Variants in SPAG17 observed in about 807,000 individuals in gnomAD.
SPAG17 encodes the protein sperm associated antigen 17, also known as sperm-associated antigen 17.
In SPAG17, 169 loss-of-function variants were observed where a neutral mutation model predicts 273.6. That is an observed-to-expected ratio of 0.62 (90% CI 0.55 to 0.70). The LOEUF (loss-of-function observed/expected upper bound fraction) is 0.70. SPAG17 is among the 30% of genes least tolerant of loss of function. The pLI is 0.00. For synonymous variants in SPAG17, 825 were observed against 873.2 expected (o/e 0.94, Z 0.97); for missense variants, 2,557 against 2,627.8 (o/e 0.97, Z 0.59).
At chr1:117,997,764 G>T (rs1304049639) in intron 32 of SPAG17, among the ~76,000 whole-genome samples, 2 of 152,040 alleles carry the variant, frequency 1.3e-5, no homozygotes, top group Non-Finnish European at 2.9e-5. Context: ...GCATGACTGT[G>T]TTCCAATAAA....
intron 18 of SPAG17, among the ~76,000 whole-genome samples, chr1:118,060,628 CTTTTA>C (rs1232953965): frequency 1.3e-5 from 2 of 152,022 alleles, no homozygotes; most frequent in Admixed American, 6.6e-5. Context: ...AAGTTTTATG[CTTTTA>C]TAAGTTTTCA....
intron 3 of SPAG17, among the ~76,000 whole-genome samples, chr1:118,132,782 C>A (rs1239937896): frequency 1.3e-5 from 2 of 150,466 alleles, no homozygotes; most frequent in African/African-American, 2.4e-5. Flanking sequence ...CTTTTCTTTT[C>A]TTTTCTTTTA....
intron 1 of SPAG17, among the ~76,000 whole-genome samples, chr1:118,161,995 C>A (rs898590077): frequency 6.6e-6 from 1 of 152,120 alleles, no homozygotes; most frequent in African/African-American, 2.4e-5. Context: ...GAAACTGCTT[C>A]CCACTCATTC....
chr1:118,147,713 T>C (rs993444656), intron 3 of SPAG17, among the ~76,000 whole-genome samples: 2 of 152,222 alleles, frequency 1.3e-5, no homozygotes, highest in Admixed American at 6.5e-5. Flanking sequence ...CACAATCTCA[T>C]AATGAGGCTG....
At chr1:118,160,471 T>G (rs1228610818) in intron 1 of SPAG17, among the ~76,000 whole-genome samples, 1 of 152,248 alleles carries the variant, frequency 6.6e-6, no homozygotes, top group Non-Finnish European at 1.5e-5. Flanking sequence ...CCAATACTCA[T>G]TCTCATGAGC....
chr1:118,005,604 T>C lies in SPAG17; in HGVS notation c.4588-2A>G. On this transcript the variant is annotated splice_acceptor_variant, in intron 31 of 48. Coordinates refer to ENST00000336338, the MANE Select transcript of SPAG17 (RefSeq NM_206996.4). LOFTEE classifies it high-confidence loss of function. The stretch of plus-strand genomic sequence containing the variant: ...AGAGCCTGTGTTTGGAGGTAACACC[T>C]GAAAGAGTAACAGAAAGACAGAAAT... 6.8e-7 allele frequency: 1 copy of C among 1,460,162 alleles called. No individual in the cohort carries two copies. Among genetic ancestry groups the C allele is most frequent in the Non-Finnish European group, 9.1e-7 (1 of 1,102,344 alleles). The allele number at this position is 1,460,162 out of a possible 1,614,324, so 90.5% of individuals were successfully genotyped here. A position where few individuals can be genotyped will look rare whatever the true frequency, so the allele number is the denominator to read the frequency against.
chr1:118,011,701 C>T (rs1220736692), intron 30 of SPAG17, among the ~76,000 whole-genome samples: 2 of 151,908 alleles, frequency 1.3e-5, no homozygotes, highest in African/African-American at 2.4e-5. Flanking sequence ...TGTACATGTA[C>T]CCCTTAACTT....
intron 42 of SPAG17, among the ~76,000 whole-genome samples, 199 bp downstream of exon 42, chr1:117,983,612 G>A (rs1045134142): frequency 3.3e-5 from 5 of 152,028 alleles, no homozygotes; most frequent in African/African-American, 1.2e-4. Context: ...AATGCATTTA[G>A]GCCAATTTTA....
chr1:118,135,553 T>C (rs1558037005), intron 3 of SPAG17, among the ~76,000 whole-genome samples: 1 of 152,188 alleles, frequency 6.6e-6, no homozygotes, highest in Non-Finnish European at 1.5e-5. Context: ...TAAGTGTTTC[T>C]GGAGAATATC....
Position 117,953,908 on chromosome 1 carries a change from T to G in SPAG17, c.*142A>C. ...ACGTCTTTATTAAACAGATTGAAGCTATTTCATTTGGCAAATTTCTGGTCA... is the reference window on the plus strand; with the variant it reads ...ACGTCTTTATTAAACAGATTGAAGCGATTTCATTTGGCAAATTTCTGGTCA... On this transcript the variant is annotated 3_prime_UTR_variant, in exon 49 of 49. Transcript: ENST00000336338. 1 of 944,468 alleles carries G rather than the reference T, an allele frequency of 1.1e-6. No homozygotes were observed. Among genetic ancestry groups the G allele is most frequent in the Admixed American group, 2.4e-5 (1 of 42,188 alleles). The allele number at this position is 944,468 out of a possible 1,614,324, so 58.5% of individuals were successfully genotyped here.
intron 8 of SPAG17, among the ~76,000 whole-genome samples, chr1:118,092,678 G>C (rs950704210): frequency 6.6e-6 from 1 of 152,116 alleles, no homozygotes; most frequent in African/African-American, 2.4e-5. Flanking sequence ...CTCTACTCCT[G>C]TTTAGATCAG....
At chr1:118,124,047 T>C (rs1045183450) in intron 3 of SPAG17, among the ~76,000 whole-genome samples, 2 of 152,364 alleles carry the variant, frequency 1.3e-5, no homozygotes, top group African/African-American at 2.4e-5. Context: ...CAAAGCTTCC[T>C]TTTTATTAAG....
At chr1:118,001,326 T>C (rs1036573841) in intron 32 of SPAG17, among the ~76,000 whole-genome samples, 6 of 152,240 alleles carry the variant, frequency 3.9e-5, no homozygotes, top group Non-Finnish European at 5.9e-5. Flanking sequence ...AGGATGATGT[T>C]GGCCTCATAA....
chr1:117,959,547 C>G, intron 48 of SPAG17: 1 of 1,262,228 alleles, frequency 7.9e-7, no homozygotes, highest in Non-Finnish European at 1.1e-6. Flanking sequence ...TACCAAATAA[C>G]AGAAGATCGC....
At chr1:117,961,917 A>G (rs574535529) in intron 48 of SPAG17, 6 of 152,336 alleles carry the variant, frequency 3.9e-5, no homozygotes, top group African/African-American at 1.4e-4. Flanking sequence ...TTGAAAAAAA[A>G]TTTAATTTTT....
chr1:118,053,790 A>G (rs1370889620), intron 20 of SPAG17, among the ~76,000 whole-genome samples: 2 of 152,004 alleles, frequency 1.3e-5, no homozygotes, highest in Non-Finnish European at 2.9e-5. Flanking sequence ...AAAATAAGCT[A>G]TAACATATAC....
Position 118,184,977 on chromosome 1 carries a change from A to T in SPAG17, c.87+94T>A, listed in dbSNP as rs115500065. The T allele has an allele frequency of 2.5e-3, 2,613 of 1,035,726 alleles. 58 individuals carry two copies. The African/African-American group carries it at 0.037, about 15-fold the overall frequency. The allele number at this position is 1,035,726 out of a possible 1,614,324, so 64.2% of individuals were successfully genotyped here. A position where few individuals can be genotyped will look rare whatever the true frequency, so the allele number is the denominator to read the frequency against. On this transcript the variant is annotated intron_variant, in intron 1 of 48. Coordinates refer to ENST00000336338, the MANE Select transcript of SPAG17 (RefSeq NM_206996.4). ...CCATCAGGCCACGGAGAGATACGGA[A>T]GAGAGGGCGAGCCTTAAGGCGTCGC...
chr1:118,023,481 GT>G lies in SPAG17; in HGVS notation c.3910-19del. The G allele has an allele frequency of 6.3e-7, 1 of 1,597,968 alleles. No individual in the cohort carries two copies. The highest frequency in any genetic ancestry group is 8.5e-7 in the Non-Finnish European group (1 of 1,172,092). Reference sequence around the variant, plus strand: ...AAGAGAATCTGAAGAATGAACAAAAGTTTTCAGCATTCTCAGAAGCAAGAGA... The same window carrying G: ...AAGAGAATCTGAAGAATGAACAAAAGTTTCAGCATTCTCAGAAGCAAGAGA... On this transcript the variant is annotated intron_variant, in intron 27 of 48. Coordinates refer to ENST00000336338, the MANE Select transcript of SPAG17 (RefSeq NM_206996.4).
chr1:118,174,447 T>TTC, intron 1 of SPAG17, among the ~76,000 whole-genome samples: 1 of 151,756 alleles, frequency 6.6e-6, no homozygotes, highest in South Asian at 2.1e-4. Context: ...AAGAAAAAAG[T>TTC]ATGAAGAAAA....
Sources: allele counts gnomAD v4.1 joint callset (sites outside exome capture counted in the v4.1 genomes callset), GRCh38; gene constraint gnomAD v4.1.1; transcripts MANE v1.5; gene names NCBI Gene and HGNC (gene_info 2026-07-23, HGNC 2026-07-21).